The following CHD5 variants were observed in gnomAD, a reference collection of about 807,000 sequenced individuals.
The protein encoded by CHD5 is ATP-dependent chromatin remodeler CHD5.
Under a neutral mutation model 230.3 loss-of-function variants are expected in CHD5, and 69 were observed. The observed-to-expected ratio is 0.30, with a 90% CI of 0.25 to 0.37. The LOEUF is 0.37. Among genes scored for constraint, CHD5 ranks in the 10% least tolerant of loss-of-function variants. The probability of loss-of-function intolerance (pLI) is 1.00; values close to 1 mark genes in which losing one functional copy is unlikely to be tolerated. For synonymous variants in CHD5, 1,064 were observed against 1,065.9 expected, an observed-to-expected ratio of 1.00 and a Z score of 0.03; for missense variants, 1,827 against 2,622.8, an observed-to-expected ratio of 0.70 and a Z score of 6.63.
intron 15 of CHD5, among the ~76,000 whole-genome samples, chr1:6,140,536 C>G (rs1426656918): frequency 6.6e-6 from 1 of 152,196 alleles, no homozygotes; most frequent in East Asian, 1.9e-4. Context: ...TATTAACTCA[C>G]TTGACTCTGT....
Position 6,104,197 on chromosome 1 carries a change from G to T in CHD5, c.*1277C>A, listed in dbSNP as rs1277377775. The stretch of plus-strand genomic sequence containing the variant: ...AGGGGCAGGGTCCGGGGGAGTGGGT[G>T]GGATTCCAACAACCCACATGTGGGA... On this transcript the variant is annotated 3_prime_UTR_variant, in exon 42 of 42. Coordinates refer to ENST00000262450, the MANE Select transcript of CHD5 (RefSeq NM_015557.3). 1 of 152,228 alleles carries T rather than the reference G, an allele frequency of 6.6e-6. No individual in the cohort carries two copies. 9.4% of individuals were successfully genotyped at this position (152,228 alleles called of 1,614,324 possible). A position where few individuals can be genotyped will look rare whatever the true frequency, so the allele number is the denominator to read the frequency against.
chr1:6,119,301 T>C (rs1294652776), intron 33 of CHD5, among the ~76,000 whole-genome samples: 1 of 152,162 alleles, frequency 6.6e-6, no homozygotes, highest in Non-Finnish European at 1.5e-5. Flanking sequence ...GGTTTCACCA[T>C]GTTCGACAGG....
intron 38 of CHD5, among the ~76,000 whole-genome samples, chr1:6,107,408 A>AATGGAGGG (rs1666200399): frequency 1.7e-5 from 1 of 57,382 alleles, no homozygotes; most frequent in Non-Finnish European, 3.1e-5. Context: ...GGGGTGGAGA[A>AATGGAGGG]ATGGAGGGAT....
Position 6,121,418 on chromosome 1 carries a change from C to T in CHD5, c.4779+76G>A. The T allele has an allele frequency of 6.7e-7, 1 of 1,493,062 alleles. No homozygotes were observed. Among genetic ancestry groups the T allele is most frequent in the Non-Finnish European group, 9.2e-7 (1 of 1,083,570 alleles). The allele number at this position is 1,493,062 out of a possible 1,614,324, so 92.5% of individuals were successfully genotyped here. ...GAGGCCTGGGTTCCACCTCGCTGTA[C>T]AGGGCCTGAGAAGGTCCCCAGACCC... On this transcript the variant is annotated intron_variant, in intron 32 of 41. Coordinates refer to ENST00000262450, the MANE Select transcript of CHD5 (RefSeq NM_015557.3). The surrounding 1 kb of genome is among the most constrained non-coding windows in gnomAD (Gnocchi z 4.5).
intron 1 of CHD5, among the ~76,000 whole-genome samples, chr1:6,178,324 TAGTC>T (rs550446472): frequency 1.1e-4 from 17 of 151,974 alleles, no homozygotes; most frequent in East Asian, 5.9e-4. Flanking sequence ...AGTCCCCACA[TAGTC>T]AGAGAGAGCC....
chr1:6,125,901 G>T lies in CHD5; in HGVS notation c.4079-43C>A. On this transcript the variant is annotated intron_variant, in intron 26 of 41. Coordinates refer to ENST00000262450, the MANE Select transcript of CHD5 (RefSeq NM_015557.3). This position sits in a 1 kb window ranked among gnomAD's most constrained non-coding sequence, Gnocchi z 6.7. ...GAGGGGCACGGAGTGAGCTGTACAA[G>T]CAAAGCCCACCCTCAAGTTCAAGCA... 6.8e-7 allele frequency: 1 copy of T among 1,479,714 alleles called. No individual in the cohort carries two copies. 91.7% of individuals were successfully genotyped at this position (1,479,714 alleles called of 1,614,324 possible). A position where few individuals can be genotyped will look rare whatever the true frequency, so the allele number is the denominator to read the frequency against.
intron 2 of CHD5, among the ~76,000 whole-genome samples, chr1:6,166,399 C>G (rs1215784660): frequency 1.3e-5 from 2 of 151,790 alleles, no homozygotes; most frequent in African/African-American, 2.4e-5. Context: ...GCTGCAGAAG[C>G]CCCACAAGGC....
In CHD5 at chr1:6,144,128, G is replaced by A. The variant is rs779029688; in HGVS notation, c.1830C>T (p.Tyr610=). 1.2e-6 allele frequency: 2 copies of A among 1,614,064 alleles called. No individual in the cohort carries two copies. The highest frequency in any genetic ancestry group is 1.3e-5 in the African/African-American group (1 of 74,936). The change falls in exon 12 of 42, where the codon TAC becomes TAT. Residue 610 remains tyrosine, a synonymous_variant. Coordinates refer to ENST00000262450, the MANE Select transcript of CHD5 (RefSeq NM_015557.3). The part of the protein sequence containing the change: ...HSFDKKGDVH[Y]LIKWKDLPYD... ...AGGGCAGGTCTTTCCACTTGATCAGGTAGTGCACATCCCCCTTCTTGTCAA... is the reference window on the plus strand; with the variant it reads ...AGGGCAGGTCTTTCCACTTGATCAGATAGTGCACATCCCCCTTCTTGTCAA...
chr1:6,120,728 T>C (rs965075238), intron 33 of CHD5, among the ~76,000 whole-genome samples: 1 of 151,824 alleles, frequency 6.6e-6, no homozygotes, highest in Admixed American at 6.6e-5. Context: ...CATGATGAAA[T>C]CTCGTCTCTA....
rs951924936 is a variant in CHD5 at position 6,118,925 on chromosome 1, T to C, written c.4912+2180A>G. Reference sequence around the variant, plus strand: ...GTCGGCCAGGCTGGTCTCAAACTCCTGACCTCAGGTGATCCACCCACCTCA... The same window carrying C: ...GTCGGCCAGGCTGGTCTCAAACTCCCGACCTCAGGTGATCCACCCACCTCA... On this transcript the variant is annotated intron_variant, in intron 33 of 41. Transcript: ENST00000262450. 2.0e-5 allele frequency among the ~76,000 whole-genome samples: 3 copies of C among 152,068 alleles called. 1 individual carries two copies. The highest frequency in any genetic ancestry group is 4.4e-5 in the Non-Finnish European group (3 of 68,004).
chr1:6,163,873 G>A (rs1353667693), intron 2 of CHD5, among the ~76,000 whole-genome samples: 5 of 152,202 alleles, frequency 3.3e-5, no homozygotes, highest in South Asian at 4.1e-4. Context: ...CTGACCTTTC[G>A]GCTGCAGCAG....
intron 2 of CHD5, among the ~76,000 whole-genome samples, chr1:6,164,273 G>T (rs1262845654): frequency 6.6e-6 from 1 of 152,310 alleles, no homozygotes; most frequent in East Asian, 1.9e-4. Flanking sequence ...TCTCCATTTG[G>T]GGTCCTTCAA....
Position 6,142,923 on chromosome 1 carries a change from T to G in CHD5, c.2044-318A>C, listed in dbSNP as rs1314789900. Among the ~76,000 whole-genome samples the G allele has an allele frequency of 2.0e-5, 3 of 152,206 alleles. No individual in the cohort carries two copies. The highest frequency in any genetic ancestry group is 7.2e-5 in the African/African-American group (3 of 41,464). ...CACCACCTTGGTCCTGTTCACTGCC[T>G]CCTCTTGAGTACCACACAGTGCCTG... On this transcript the variant is annotated intron_variant, in intron 13 of 41. Transcript: ENST00000262450. The surrounding 1 kb of genome is among the most constrained non-coding windows in gnomAD (Gnocchi z 5.2).
chr1:6,120,632 T>C (rs1278693667), intron 33 of CHD5, among the ~76,000 whole-genome samples: 4 of 151,952 alleles, frequency 2.6e-5, no homozygotes, highest in Non-Finnish European at 5.9e-5. Context: ...CAAAACCCAG[T>C]CTCTATTAAA....
chr1:6,125,694 C>A lies in CHD5; in HGVS notation c.4171+72G>T. ...AAGGACAGCGGGACCCCAGACCAGC[C>A]CCGCTCCTGCTGCCATCAGCTCCCC... is the stretch of plus-strand genomic sequence containing the variant. On this transcript the variant is annotated intron_variant, in intron 27 of 41. Coordinates refer to ENST00000262450, the MANE Select transcript of CHD5 (RefSeq NM_015557.3). This position sits in a 1 kb window ranked among gnomAD's most constrained non-coding sequence, Gnocchi z 6.7. 6.3e-7 allele frequency: 1 copy of A among 1,594,262 alleles called. No homozygotes were observed. The highest frequency in any genetic ancestry group is 1.1e-5 in the South Asian group (1 of 90,674).
At chr1:6,117,248 A>C (rs1480159174) in intron 33 of CHD5, among the ~76,000 whole-genome samples, 1 of 152,242 alleles carries the variant, frequency 6.6e-6, no homozygotes, top group African/African-American at 2.4e-5. Context: ...TAAAGAGATT[A>C]AACTTGCCAG....
At chr1:6,161,150 TGGCAGAAG>T (rs1410490679) in intron 2 of CHD5, among the ~76,000 whole-genome samples, 2 of 149,690 alleles carry the variant, frequency 1.3e-5, no homozygotes, top group African/African-American at 5.1e-5. Context: ...AAGGAAAGGG[TGGCAGAAG>T]GAAAGAGAAT....
intron 1 of CHD5, among the ~76,000 whole-genome samples, chr1:6,173,708 T>A (rs1571175912): frequency 6.7e-6 from 1 of 149,790 alleles, no homozygotes; most frequent in South Asian, 2.1e-4. Context: ...CCCAGGAGGG[T>A]CAGGGCGGCA....
chr1:6,175,784 G>A (rs988505731), intron 1 of CHD5, among the ~76,000 whole-genome samples: 25 of 151,468 alleles, frequency 1.7e-4, no homozygotes, highest in African/African-American at 5.4e-4. Context: ...TTTGTGGGTC[G>A]ACGGGTAGAT....
Sources: gnomAD v4.1 joint callset for allele counts (sites outside exome capture counted in the v4.1 genomes callset) on GRCh38, gnomAD v4.1.1 for gene constraint, Gnocchi (gnomAD v3.1) non-coding constraint, MANE v1.5 for transcripts, NCBI Gene and HGNC (gene_info 2026-07-23, HGNC 2026-07-21) for gene names.